The following LRRTM4 variants were observed in gnomAD, a reference collection of about 807,000 sequenced individuals.
The protein encoded by LRRTM4 is leucine-rich repeat transmembrane neuronal protein 4.
A neutral mutation model predicts 47.6 loss-of-function variants in LRRTM4; 25 were observed. The ratio of observed to expected loss-of-function variants is 0.53; its 90% CI spans 0.38 to 0.73. The LOEUF (loss-of-function observed/expected upper bound fraction) is 0.73. Ranked by LOEUF, LRRTM4 falls within the 30% of genes least tolerant of loss-of-function variation. The pLI is 0.00. For missense variants in LRRTM4, 638 were observed against 713.4 expected, an observed-to-expected ratio of 0.89 and a Z score of 1.20; for synonymous variants, 311 against 269.5, an observed-to-expected ratio of 1.15 and a Z score of -1.51.
intron 3 of LRRTM4, among the ~76,000 whole-genome samples, chr2:77,165,312 C>T (rs1672848643): frequency 6.6e-6 from 1 of 152,054 alleles, no homozygotes; most frequent in Admixed American, 6.6e-5. Flanking sequence ...GAAATTGAGG[C>T]AATAATTAAT....
chr2:77,230,048 C>T (rs1256471732), intron 3 of LRRTM4, among the ~76,000 whole-genome samples: 1 of 151,986 alleles, frequency 6.6e-6, no homozygotes, highest in Non-Finnish European at 1.5e-5. Context: ...TCTTGTAATT[C>T]CTCTAATTTT....
At chr2:77,443,076 T>C (rs959946960) in intron 3 of LRRTM4, among the ~76,000 whole-genome samples, 1 of 152,042 alleles carries the variant, frequency 6.6e-6, no homozygotes. Context: ...TCATGACAGA[T>C]TGTGGCTGAT....
In LRRTM4 at chr2:76,933,627, G is replaced by T. The variant is rs541567385; in HGVS notation, c.1552-184711C>A. ...ATGTTTTGAAAAAATAACATAACAG[G>T]GTTTTGATCCACTGGTGTACTAGCA... On this transcript the variant is annotated intron_variant, in intron 3 of 3. Transcript: ENST00000409884. 5.3e-5 allele frequency among the ~76,000 whole-genome samples: 8 copies of T among 151,796 alleles called. No individual in the cohort carries two copies. In the South Asian group the frequency reaches 1.2e-3, roughly 24 times the overall value.
intron 3 of LRRTM4, among the ~76,000 whole-genome samples, chr2:77,240,333 G>A (rs892257097): frequency 6.6e-6 from 1 of 151,916 alleles, no homozygotes; most frequent in African/African-American, 2.4e-5. Flanking sequence ...TGCAGAATAT[G>A]CATATGCCAA....
In LRRTM4 at chr2:77,476,775, T is replaced by C. The variant is rs561516156; in HGVS notation, c.1551+41543A>G. 7.9e-5 allele frequency among the ~76,000 whole-genome samples: 12 copies of C among 152,284 alleles called. No individual in the cohort carries two copies. The South Asian group carries it at 2.5e-3, about 32-fold the overall frequency. ...TCTAAATGAACAATTTACTACAGTA[T>C]ATTTGGTGCAAAAGTAGTAGTATTA... On this transcript the variant is annotated intron_variant, in intron 3 of 3. Transcript: ENST00000409884.
chr2:77,088,470 C>G (rs899019811), intron 3 of LRRTM4, among the ~76,000 whole-genome samples: 1 of 152,070 alleles, frequency 6.6e-6, no homozygotes, highest in Non-Finnish European at 1.5e-5. Flanking sequence ...GAGCACCTTG[C>G]GACCCCCACT....
chr2:77,125,394 A>C (rs1671627346), intron 3 of LRRTM4, among the ~76,000 whole-genome samples: 1 of 152,172 alleles, frequency 6.6e-6, no homozygotes, highest in Non-Finnish European at 1.5e-5. Flanking sequence ...TACTAGGGCC[A>C]ACTTTCTCAC....
rs185447064 is a variant in LRRTM4 at position 77,128,866 on chromosome 2, C to A, written c.1552-379950G>T. On this transcript the variant is annotated intron_variant, in intron 3 of 3. Transcript: ENST00000409884. Reference sequence around the variant, plus strand: ...TGTTGCTCAGGCTGGTCTCAAACTCCTGACCTCAGGTGATCCACCTGTCGT... The same window carrying A: ...TGTTGCTCAGGCTGGTCTCAAACTCATGACCTCAGGTGATCCACCTGTCGT... 5.3e-5 allele frequency among the ~76,000 whole-genome samples: 8 copies of A among 152,304 alleles called. No homozygotes were observed. The East Asian group carries it at 1.5e-3, about 29-fold the overall frequency.
At chr2:77,132,463 A>G (rs1671827865) in intron 3 of LRRTM4, among the ~76,000 whole-genome samples, 1 of 152,184 alleles carries the variant, frequency 6.6e-6, no homozygotes. Context: ...ATGGTAGTGC[A>G]GGTATCAAAA....
chr2:76,941,931 A>G (rs1012941386), intron 3 of LRRTM4, among the ~76,000 whole-genome samples: 4 of 152,204 alleles, frequency 2.6e-5, no homozygotes, highest in Admixed American at 1.3e-4. Flanking sequence ...TCCCACCAAC[A>G]GTGTAAAATC....
At chr2:77,029,971 T>C (rs545055039) in intron 3 of LRRTM4, among the ~76,000 whole-genome samples, 2 of 152,160 alleles carry the variant, frequency 1.3e-5, no homozygotes, top group Admixed American at 6.6e-5. Flanking sequence ...AGAGCTATAG[T>C]GTCATAGTGT....
Position 77,264,846 on chromosome 2 carries a change from T to C in LRRTM4, c.1551+253472A>G, listed in dbSNP as rs558685245. ...AATTGCCTCTATGAAATGACTATAT[T>C]CATTGAATTAAAAAGCCCATTATGG... On this transcript the variant is annotated intron_variant, in intron 3 of 3. Coordinates refer to ENST00000409884, the MANE Select transcript of LRRTM4 (RefSeq NM_001134745.3). Among the ~76,000 whole-genome samples the C allele has an allele frequency of 1.2e-4, 19 of 152,244 alleles. No homozygotes were observed. In the South Asian group the frequency reaches 3.1e-3, roughly 25 times the overall value.
chr2:77,127,294 T>C (rs534621468), intron 3 of LRRTM4, among the ~76,000 whole-genome samples: 18 of 152,208 alleles, frequency 1.2e-4, no homozygotes, highest in Non-Finnish European at 1.6e-4. Flanking sequence ...TACATGGCTG[T>C]CTTGTAATTT....
At chr2:77,080,253 G>A (rs1680487963) in intron 3 of LRRTM4, among the ~76,000 whole-genome samples, 1 of 152,070 alleles carries the variant, frequency 6.6e-6, no homozygotes, top group South Asian at 2.1e-4. Flanking sequence ...TTACATAACT[G>A]GTTGGTTGTT....
intron 3 of LRRTM4, among the ~76,000 whole-genome samples, chr2:77,426,034 T>A (rs1251971269): frequency 1.3e-5 from 2 of 151,302 alleles, no homozygotes; most frequent in African/African-American, 4.9e-5. Context: ...GAGAATCACT[T>A]GAACCTGGAA....
intron 3 of LRRTM4, among the ~76,000 whole-genome samples, chr2:76,923,057 A>G (rs1057333171): frequency 1.1e-4 from 17 of 152,158 alleles, no homozygotes; most frequent in Admixed American, 7.9e-4. Context: ...GAAGAATCAC[A>G]AAAGTACTAA....
chr2:77,078,404 ACAC>A (rs1162890200), intron 3 of LRRTM4, among the ~76,000 whole-genome samples: 3 of 151,014 alleles, frequency 2.0e-5, no homozygotes, highest in Non-Finnish European at 2.9e-5. Context: ...ACACACACAC[ACAC>A]ATGTTCTGGT....
chr2:77,335,780 C>T (rs905516416), intron 3 of LRRTM4, among the ~76,000 whole-genome samples: 24 of 152,124 alleles, frequency 1.6e-4, no homozygotes, highest in Admixed American at 2.6e-4. Flanking sequence ...ATTTTGAATG[C>T]ATGAGTAAAT....
chr2:76,776,874 G>T (rs1371780827), intron 3 of LRRTM4, among the ~76,000 whole-genome samples: 1 of 142,370 alleles, frequency 7.0e-6, no homozygotes, highest in African/African-American at 2.7e-5. Context: ...TTTTCTTCTA[G>T]GGTTTTTATG....
Sources: allele counts gnomAD v4.1 joint callset (sites outside exome capture counted in the v4.1 genomes callset), GRCh38; gene constraint gnomAD v4.1.1; transcripts MANE v1.5; gene names NCBI Gene and HGNC (gene_info 2026-07-23, HGNC 2026-07-21).